ARIH1: variants seen among roughly 807,000 people sequenced by gnomAD.
ARIH1 encodes E3 ubiquitin-protein ligase ARIH1.
Under a neutral mutation model 85.0 loss-of-function variants are expected in ARIH1, and 8 were observed. The ratio of observed to expected loss-of-function variants is 0.09; its 90% confidence interval spans 0.06 to 0.17. The LOEUF (loss-of-function observed/expected upper bound fraction) is 0.17, where lower values mean the gene tolerates loss of function less well. ARIH1 is among the 10% of genes least tolerant of loss of function. The probability of loss-of-function intolerance (pLI) is 1.00; values close to 1 mark genes in which losing one functional copy is unlikely to be tolerated. For missense variants in ARIH1, 311 were observed against 718.1 expected, an observed-to-expected ratio of 0.43 and a Z score of 6.48; for synonymous variants, 238 against 253.6, an observed-to-expected ratio of 0.94 and a Z score of 0.59.
intron 1 of ARIH1, among the ~76,000 whole-genome samples, chr15:72,491,466 T>G (rs1289010722): frequency 3.9e-5 from 6 of 152,196 alleles, no homozygotes; most frequent in Non-Finnish European, 7.3e-5. Flanking sequence ...TTCTTGGTTG[T>G]TTGATCAGTG....
At chr15:72,517,120 A>G (rs1420316571) in intron 1 of ARIH1, among the ~76,000 whole-genome samples, 1 of 152,180 alleles carries the variant, frequency 6.6e-6, no homozygotes, top group East Asian at 1.9e-4. Flanking sequence ...CATAGTGGTA[A>G]CTTTTCTTTC....
chr15:72,513,290 A>G (rs1209439925), intron 1 of ARIH1, among the ~76,000 whole-genome samples: 1 of 152,126 alleles, frequency 6.6e-6, no homozygotes, highest in African/African-American at 2.4e-5. Flanking sequence ...GCTTTTTAAA[A>G]GCTTTTCTCT....
At chr15:72,507,867 G>T (rs555220635) in intron 1 of ARIH1, among the ~76,000 whole-genome samples, 1 of 152,244 alleles carries the variant, frequency 6.6e-6, no homozygotes, top group Admixed American at 6.5e-5. Context: ...TCTGAGCCTG[G>T]AATGTTATTT....
chr15:72,558,744 A>G (rs866889833), intron 5 of ARIH1, among the ~76,000 whole-genome samples: 1 of 152,208 alleles, frequency 6.6e-6, no homozygotes, highest in South Asian at 2.1e-4. Flanking sequence ...TTCCTTATCA[A>G]TATCAGATAA....
intron 2 of ARIH1, among the ~76,000 whole-genome samples, chr15:72,533,623 A>G (rs1039578276): frequency 3.3e-5 from 5 of 152,212 alleles, no homozygotes; most frequent in Admixed American, 6.5e-5. Context: ...GCACATCTAC[A>G]TTGAAAGTCA....
chr15:72,533,611 G>T (rs1307214381), intron 2 of ARIH1, among the ~76,000 whole-genome samples: 1 of 152,078 alleles, frequency 6.6e-6, no homozygotes, highest in African/African-American at 2.4e-5. Context: ...AAAGAAATAC[G>T]TGCACATCTA....
chr15:72,546,091 A>C (rs74902996), intron 3 of ARIH1, among the ~76,000 whole-genome samples: 2,435 of 152,154 alleles, frequency 0.016, 34 homozygotes, highest in South Asian at 0.025. Flanking sequence ...TGTTATGGCT[A>C]TTCACAGGCA....
At chr15:72,531,120 T>C (rs1021735011) in intron 2 of ARIH1, among the ~76,000 whole-genome samples, 1 of 152,214 alleles carries the variant, frequency 6.6e-6, no homozygotes, top group Non-Finnish European at 1.5e-5. Context: ...CTTTCAATTA[T>C]TGACACCTTA....
intron 3 of ARIH1, among the ~76,000 whole-genome samples, chr15:72,548,905 A>C (rs992799737): frequency 6.6e-6 from 1 of 152,090 alleles, no homozygotes; most frequent in East Asian, 1.9e-4. Context: ...TTAGTTTACA[A>C]CCCTTTGGAG....
At chr15:72,554,065 T>C (rs924523725) in intron 3 of ARIH1, among the ~76,000 whole-genome samples, 2 of 152,246 alleles carry the variant, frequency 1.3e-5, no homozygotes, top group Admixed American at 1.3e-4. Context: ...TTTCCTTTTA[T>C]GGCTGAATAA....
intron 1 of ARIH1, among the ~76,000 whole-genome samples, chr15:72,510,418 C>T (rs1376328349): frequency 2.0e-5 from 3 of 151,982 alleles, no homozygotes; most frequent in Non-Finnish European, 2.9e-5. Context: ...GGGTCTGATC[C>T]ATTATTAATT....
intron 2 of ARIH1, among the ~76,000 whole-genome samples, chr15:72,535,692 A>G (rs1166322378): frequency 6.6e-6 from 1 of 152,200 alleles, no homozygotes; most frequent in Non-Finnish European, 1.5e-5. Context: ...CCACTGTTGC[A>G]TGAATCACAA....
In ARIH1 at chr15:72,601,690, C is replaced by T. The variant is rs2064382807; in HGVS notation, c.*18398C>T. ...ACTGTTCTATATTTCTCCTTCTTAG[C>T]ATTTATCACAATTCTTGGTATGTTG... On this transcript the variant is annotated 3_prime_UTR_variant, in exon 14 of 14. Transcript: ENST00000379887. The T allele has an allele frequency of 6.6e-6, 1 of 152,178 alleles. No individual in the cohort carries two copies. The highest frequency in any genetic ancestry group is 2.4e-5 in the African/African-American group (1 of 41,450). The allele number at this position is 152,178 out of a possible 1,614,324, so 9.4% of individuals were successfully genotyped here.
In ARIH1 at chr15:72,591,680, C is replaced by T. The variant is rs978249600; in HGVS notation, c.*8388C>T. On this transcript the variant is annotated 3_prime_UTR_variant, in exon 14 of 14. Coordinates refer to ENST00000379887, the MANE Select transcript of ARIH1 (RefSeq NM_005744.5). ...AAGTACAGCATAAAATAATAACCAG[C>T]ATTTGTAGAGCACTTCTTGTGGGCC... 2.6e-5 allele frequency: 4 copies of T among 152,226 alleles called. No homozygotes were observed. Among genetic ancestry groups the T allele is most frequent in the African/African-American group, 9.6e-5 (4 of 41,466 alleles). The allele number at this position is 152,226 out of a possible 1,614,324, so 9.4% of individuals were successfully genotyped here.
intron 3 of ARIH1, among the ~76,000 whole-genome samples, chr15:72,545,676 A>C (rs1474118199): frequency 1.3e-5 from 2 of 152,224 alleles, no homozygotes; most frequent in Non-Finnish European, 2.9e-5. Flanking sequence ...AAAATACAAA[A>C]AAATTATCCT....
In ARIH1 at chr15:72,529,997, A is replaced by T. The variant is rs551401939; in HGVS notation, c.443+11863A>T. On this transcript the variant is annotated intron_variant, in intron 2 of 13. Coordinates refer to ENST00000379887, the MANE Select transcript of ARIH1 (RefSeq NM_005744.5). ...TTATTTCAGAAAAAAATCTAGTAATAAATGAGCTGTTTTAACTATCCAGGT... is the reference window on the plus strand; with the variant it reads ...TTATTTCAGAAAAAAATCTAGTAATTAATGAGCTGTTTTAACTATCCAGGT... Among the ~76,000 whole-genome samples the T allele has an allele frequency of 3.5e-4, 53 of 152,336 alleles. No individual in the cohort carries two copies. The South Asian group carries it at 7.5e-3, about 21-fold the overall frequency.
rs541739951 is a variant in ARIH1 at position 72,494,515 on chromosome 15, A to G, written c.375+19501A>G. 3.5e-4 allele frequency among the ~76,000 whole-genome samples: 53 copies of G among 152,314 alleles called. 2 individuals carry two copies. In the South Asian group the frequency reaches 0.011, roughly 30 times the overall value. On this transcript the variant is annotated intron_variant, in intron 1 of 13. Coordinates refer to ENST00000379887, the MANE Select transcript of ARIH1 (RefSeq NM_005744.5). ...AATATTGCTGAAATTACTGGGAAGTAGAGTGGTAGGAGCTGGGGCTAGACA... is the reference window on the plus strand; with the variant it reads ...AATATTGCTGAAATTACTGGGAAGTGGAGTGGTAGGAGCTGGGGCTAGACA...
intron 2 of ARIH1, among the ~76,000 whole-genome samples, chr15:72,522,719 A>G (rs1354256396): frequency 2.1e-5 from 1 of 48,210 alleles, no homozygotes; most frequent in East Asian, 2.0e-3. Context: ...AAGATAAGCT[A>G]CAGACTGAGA....
chr15:72,486,694 C>CTTTTTTTTTTTTTTTTTTTTTTTTTTTTT (rs34770375), intron 1 of ARIH1, among the ~76,000 whole-genome samples: 1 of 92,850 alleles, frequency 1.1e-5, no homozygotes, highest in Non-Finnish European at 1.9e-5. Context: ...TTAAAAATGA[C>CTTTTTTTTTTTTTTTTTTTTTTTTTTTTT]TTTTTTTTTT....
Sources: allele counts gnomAD v4.1 joint callset (sites outside exome capture counted in the v4.1 genomes callset), GRCh38; gene constraint gnomAD v4.1.1; transcripts MANE v1.5; gene names NCBI Gene and HGNC (gene_info 2026-07-23, HGNC 2026-07-21).